Variants in CASR observed in about 807,000 individuals in gnomAD.
CASR encodes extracellular calcium-sensing receptor.
Under a neutral mutation model 69.1 loss-of-function variants are expected in CASR, and 23 were observed. The observed-to-expected ratio is 0.33, with a 90% CI of 0.24 to 0.47. CASR has a LOEUF of 0.47. Ranked by LOEUF, CASR falls within the 20% of genes least tolerant of loss-of-function variation. The probability of loss-of-function intolerance (pLI) is 1.00; values close to 1 mark genes in which losing one functional copy is unlikely to be tolerated. For missense variants in CASR, 924 were observed against 1,356.1 expected, an observed-to-expected ratio of 0.68 and a Z score of 5.00; for synonymous variants, 541 against 544.7, an observed-to-expected ratio of 0.99 and a Z score of 0.10.
intron 1 of CASR, among the ~76,000 whole-genome samples, chr3:122,194,852 A>G (rs2073873207): frequency 2.0e-5 from 3 of 152,142 alleles, no homozygotes; most frequent in Admixed American, 2.0e-4. Context: ...TTATACATCT[A>G]TGGAGCTACT....
intron 1 of CASR, among the ~76,000 whole-genome samples, chr3:122,194,426 C>A (rs901877457): frequency 1.1e-4 from 17 of 152,102 alleles, no homozygotes; most frequent in African/African-American, 4.1e-4. Flanking sequence ...CACCCCCGCA[C>A]TTTCTACTCT....
At chr3:122,251,850 T>C (rs2074487402) in intron 1 of CASR, among the ~76,000 whole-genome samples, 1 of 152,262 alleles carries the variant, frequency 6.6e-6, no homozygotes, top group Non-Finnish European at 1.5e-5. Context: ...TATTAGAAAG[T>C]AGTGGAACTA....
chr3:122,230,157 C>G (rs1269131306), intron 1 of CASR, among the ~76,000 whole-genome samples: 3 of 152,162 alleles, frequency 2.0e-5, no homozygotes, highest in Non-Finnish European at 1.5e-5. Flanking sequence ...ATCAATAACC[C>G]CTGGTAGAGT....
chr3:122,192,577 C>T (rs2073849593), intron 1 of CASR, among the ~76,000 whole-genome samples: 1 of 152,186 alleles, frequency 6.6e-6, no homozygotes, highest in African/African-American at 2.4e-5. Context: ...TAATAACAAT[C>T]TTACACATTT....
chr3:122,247,883 C>T (rs1188182969), intron 1 of CASR: 4 of 152,466 alleles, frequency 2.6e-5, no homozygotes, highest in Non-Finnish European at 4.4e-5. Flanking sequence ...TCCCTCCCTT[C>T]CCTGATAGCT....
chr3:122,192,342 G>A (rs2073847753), intron 1 of CASR, among the ~76,000 whole-genome samples: 1 of 152,182 alleles, frequency 6.6e-6, no homozygotes, highest in Admixed American at 6.5e-5. Context: ...ATATAGGGCT[G>A]TTATGTGGCT....
intron 1 of CASR, among the ~76,000 whole-genome samples, chr3:122,205,974 G>A (rs1428035026): frequency 6.6e-6 from 1 of 151,898 alleles, no homozygotes; most frequent in Admixed American, 6.6e-5. Context: ...TTTTGGTGGA[G>A]TCTTTAGGTT....
At chr3:122,234,965 A>G (rs1188067024) in intron 1 of CASR, among the ~76,000 whole-genome samples, 1 of 152,250 alleles carries the variant, frequency 6.6e-6, no homozygotes, top group Non-Finnish European at 1.5e-5. Flanking sequence ...GCACTGCATC[A>G]GCACAGATTG....
intron 1 of CASR, among the ~76,000 whole-genome samples, chr3:122,215,203 G>A (rs1210826775): frequency 1.3e-5 from 2 of 152,226 alleles, no homozygotes; most frequent in African/African-American, 4.8e-5. Flanking sequence ...GGCTTTGTAT[G>A]AGGCAAACAA....
At position 122,261,341 on chromosome 3, in the gene CASR, T is replaced by A. The variant is rs33959508; in HGVS notation, c.493-187T>A. 6.8e-3 allele frequency among the ~76,000 whole-genome samples: 1,036 copies of A among 152,360 alleles called. 11 individuals are homozygous for A. Among genetic ancestry groups the A allele is most frequent in the African/African-American group, 0.024 (986 of 41,574 alleles). Reference sequence around the variant, plus strand: ...CAAAGACTGAAAGGTGCTTAAGTGCTCACTCTGGAGTGGAACAGATGCTGC... The same window carrying A: ...CAAAGACTGAAAGGTGCTTAAGTGCACACTCTGGAGTGGAACAGATGCTGC... On this transcript the variant is annotated intron_variant, in intron 3 of 6. Transcript: ENST00000639785.
At chr3:122,247,629 C>G (rs966700978) in intron 1 of CASR, 2 of 152,178 alleles carry the variant, frequency 1.3e-5, no homozygotes, top group South Asian at 4.1e-4. Flanking sequence ...TATGTGGACA[C>G]AGAGTTTGTT....
intron 1 of CASR, among the ~76,000 whole-genome samples, chr3:122,225,821 C>G (rs1467667812): frequency 1.3e-5 from 2 of 152,176 alleles, no homozygotes; most frequent in African/African-American, 4.8e-5. Flanking sequence ...ATGGAGTCAA[C>G]CAAGATGCCC....
intron 4 of CASR, among the ~76,000 whole-genome samples, chr3:122,263,791 C>T (rs989855438): frequency 2.0e-5 from 3 of 152,164 alleles, no homozygotes; most frequent in Non-Finnish European, 4.4e-5. Flanking sequence ...GGAACCCCTA[C>T]CTTGCCAAGA....
chr3:122,262,188 A>C lies in CASR; in HGVS notation c.1153A>C (p.Ser385Arg). 1 of 1,614,244 alleles carries C rather than the reference A, an allele frequency of 6.2e-7. No individual in the cohort carries two copies. Among genetic ancestry groups the C allele is most frequent in the Non-Finnish European group, 8.5e-7 (1 of 1,180,040 alleles). ...TCACGAAGAAAGTGGCGACAGGTTT[A>C]GCAACAGCTCGACAGCCTTCCGACC... ...RGHEESGDRF[S>R]NSSTAFRPLC... Residue 385 changes from serine to arginine, a missense_variant, in exon 4 of 7, where the codon AGC becomes CGC. Physicochemically the swap from Ser to Arg is moderately radical, Grantham distance 110 (BLOSUM62 -1). Coordinates refer to ENST00000639785, the MANE Select transcript of CASR (RefSeq NM_000388.4).
chr3:122,254,063 TA>T lies in CASR; in HGVS notation c.-126del, dbSNP rs2074525771. 7 of 867,414 alleles carry T rather than the reference TA, an allele frequency of 8.1e-6. No individual in the cohort carries two copies. The South Asian group carries it at 9.3e-5, about 11-fold the overall frequency. 53.7% of individuals were successfully genotyped at this position (867,414 alleles called of 1,614,324 possible). Reference sequence around the variant, plus strand: ...GAGATTCAAACACCACGTCTTCTATTATTTTATTAATCAATCTGTAGACATG... The same window carrying T: ...GAGATTCAAACACCACGTCTTCTATTTTTTATTAATCAATCTGTAGACATG... On this transcript the variant is annotated 5_prime_UTR_variant, in exon 2 of 7. The change creates a premature stop within an existing upstream ORF in the 5' untranslated region. Coordinates refer to ENST00000639785, the MANE Select transcript of CASR (RefSeq NM_000388.4).
At chr3:122,232,757 T>A (rs554617153) in intron 1 of CASR, among the ~76,000 whole-genome samples, 1 of 152,276 alleles carries the variant, frequency 6.6e-6, no homozygotes, top group South Asian at 2.1e-4. Context: ...CCTTTCTGAC[T>A]CTACCATCCT....
intron 6 of CASR, among the ~76,000 whole-genome samples, chr3:122,282,608 ATCTTAC>A (rs1258561056): frequency 6.6e-6 from 1 of 152,198 alleles, no homozygotes; most frequent in African/African-American, 2.4e-5. Context: ...TGAATTTGCT[ATCTTAC>A]TTGTGTTTTT....
intron 1 of CASR, among the ~76,000 whole-genome samples, chr3:122,197,706 A>G (rs926259021): frequency 6.6e-6 from 1 of 152,148 alleles, no homozygotes; most frequent in Non-Finnish European, 1.5e-5. Context: ...TTGATCTCCT[A>G]AACTCATCAC....
At chr3:122,218,541 C>CAAA (rs59428263) in intron 1 of CASR, among the ~76,000 whole-genome samples, 8 of 106,256 alleles carry the variant, frequency 7.5e-5, no homozygotes, top group Non-Finnish European at 1.1e-4. Flanking sequence ...GACTCTGTCT[C>CAAA]AAAAAAAAAA....
Sources: gnomAD v4.1 joint callset for allele counts (sites outside exome capture counted in the v4.1 genomes callset) on GRCh38, gnomAD v4.1.1 for gene constraint, MANE v1.5 for transcripts, NCBI Gene and HGNC (gene_info 2026-07-23, HGNC 2026-07-21) for gene names.